The following ABHD17A variants were observed in gnomAD, a reference collection of about 807,000 sequenced individuals.
ABHD17A encodes the protein abhydrolase domain containing 17A, depalmitoylase.
ABHD17A carries 10 observed loss-of-function variants against 26.8 expected under a neutral mutation model. The ratio of observed to expected loss-of-function variants is 0.37; its 90% CI spans 0.23 to 0.63. ABHD17A has a LOEUF of 0.63. ABHD17A is among the 30% of genes least tolerant of loss of function. The pLI is 0.61. For synonymous variants in ABHD17A, 167 were observed against 210.9 expected (o/e 0.79, Z 1.80); for missense variants, 292 against 457.3 (o/e 0.64, Z 3.30).
rs548701716 is a variant in ABHD17A at position 1,879,721 on chromosome 19, G to A, written c.527+200C>T. The A allele has an allele frequency of 0.046, 27,236 of 594,430 alleles. 839 individuals carry two copies. The highest frequency in any genetic ancestry group is 0.056 in the Non-Finnish European group (18,706 of 335,436). 36.8% of individuals were successfully genotyped at this position (594,430 alleles called of 1,614,324 possible). On this transcript the variant is annotated intron_variant, in intron 3 of 4. Transcript: ENST00000292577. The surrounding 1 kb of genome is among the most constrained non-coding windows in gnomAD (Gnocchi z 7.6). Reference sequence around the variant, plus strand: ...CCACAGGCCAGGGTGTGGGAGGACCGCCTGGCCACACCTCAGCCATGTGGA... The same window carrying A: ...CCACAGGCCAGGGTGTGGGAGGACCACCTGGCCACACCTCAGCCATGTGGA...
rs1365995145 is a variant in ABHD17A, at chr19:1,879,384, G to C, written c.527+537C>G. 1.2e-5 allele frequency: 2 copies of C among 168,388 alleles called. No homozygotes were observed. Among genetic ancestry groups the C allele is most frequent in the African/African-American group, 4.8e-5 (2 of 41,516 alleles). The allele number at this position is 168,388 out of a possible 1,614,324, so 10.4% of individuals were successfully genotyped here. On this transcript the variant is annotated intron_variant, in intron 3 of 4. Coordinates refer to ENST00000292577, the MANE Select transcript of ABHD17A (RefSeq NM_001130111.2). The surrounding 1 kb of genome is among the most constrained non-coding windows in gnomAD (Gnocchi z 7.6). Reference sequence around the variant, plus strand: ...GGGCTGGGGACGTGGATGACTAGGAGGGCTGGATCTGGAATCGAGGCTGGC... The same window carrying C: ...GGGCTGGGGACGTGGATGACTAGGACGGCTGGATCTGGAATCGAGGCTGGC...
At position 1,881,142 on chromosome 19, in the gene ABHD17A, C is replaced by G. The variant is rs969500411; in HGVS notation, c.332+93G>C. On this transcript the variant is annotated intron_variant, in intron 2 of 4. Transcript: ENST00000292577. Reference sequence around the variant, plus strand: ...GCCCTTCACGGCAGGCTCGGGCCCTCGGGGGCACCACCAACCACACCAAGC... The same window carrying G: ...GCCCTTCACGGCAGGCTCGGGCCCTGGGGGGCACCACCAACCACACCAAGC... The G allele has an allele frequency of 6.4e-6, 10 of 1,566,240 alleles. No individual in the cohort carries two copies. The Admixed American group carries it at 1.6e-4, about 26-fold the overall frequency.
At chr19:1,881,834 T>C in intron 1 of ABHD17A, 30 bp from the exon 2 acceptor site, 1 of 426,776 alleles carries the variant, frequency 2.3e-6, no homozygotes, top group Non-Finnish European at 4.0e-6. Context: ...TGTGGGGTCC[T>C]TTGGGGGTGC....
At position 1,879,562 on chromosome 19, in the gene ABHD17A, C is replaced by T. The variant is rs948811634; in HGVS notation, c.527+359G>A. The T allele has an allele frequency of 5.1e-5, 17 of 336,604 alleles. No homozygotes were observed. The highest frequency in any genetic ancestry group is 7.3e-5 in the Non-Finnish European group (13 of 177,344). 20.9% of individuals were successfully genotyped at this position (336,604 alleles called of 1,614,324 possible). On this transcript the variant is annotated intron_variant, in intron 3 of 4. Transcript: ENST00000292577. This position sits in a 1 kb window ranked among gnomAD's most constrained non-coding sequence, Gnocchi z 7.6. ...ACTTGGCCCCAAGTGCTGCCTCGGC[C>T]GATGGGCTCCCAGCCACACGTGCAC...
chr19:1,878,842 A>G (rs2012444096), intron 3 of ABHD17A: 1 of 152,360 alleles, frequency 6.6e-6, no homozygotes, highest in African/African-American at 2.4e-5. Flanking sequence ...CGAACAGGAC[A>G]CATCCCCGGT....
chr19:1,877,908 T>C (rs2012416208), intron 3 of ABHD17A: 2 of 549,598 alleles, frequency 3.6e-6, no homozygotes, highest in Non-Finnish European at 6.5e-6. Context: ...TTCCCTGCGC[T>C]GCCGTTCACT....
At chr19:1,884,083 C>T (rs1383240870) in intron 1 of ABHD17A, among the ~76,000 whole-genome samples, 1 of 152,212 alleles carries the variant, frequency 6.6e-6, no homozygotes, top group Non-Finnish European at 1.5e-5. Flanking sequence ...CCAACGCTCT[C>T]AGAGTCCTCA....
At position 1,877,837 on chromosome 19, in the gene ABHD17A, C is replaced by T. The variant is rs1039066612; in HGVS notation, c.528-150G>A. 7.3e-6 allele frequency: 5 copies of T among 688,032 alleles called. No homozygotes were observed. The Admixed American group carries it at 1.2e-4, about 16-fold the overall frequency. 42.6% of individuals were successfully genotyped at this position (688,032 alleles called of 1,614,324 possible). A position where few individuals can be genotyped will look rare whatever the true frequency, so the allele number is the denominator to read the frequency against. ...GTCAGGCTCAGGCTCCACACCAGTC[C>T]CGAGGGCCACCCCCAGCCCCCAACA... On this transcript the variant is annotated intron_variant, in intron 3 of 4. Coordinates refer to ENST00000292577, the MANE Select transcript of ABHD17A (RefSeq NM_001130111.2).
chr19:1,879,912 C>T lies in ABHD17A; in HGVS notation c.527+9G>A, dbSNP rs749298472. On this transcript the variant is annotated intron_variant, in intron 3 of 4. Coordinates refer to ENST00000292577, the MANE Select transcript of ABHD17A (RefSeq NM_001130111.2). This position sits in a 1 kb window ranked among gnomAD's most constrained non-coding sequence, Gnocchi z 7.6. ...GCCCAGGCTGAGCTGCCCCCAGGGT[C>T]GCCCTCACCTGGTGCGCAGGGCCTG... The T allele has an allele frequency of 4.3e-5, 69 of 1,593,390 alleles. No individual in the cohort carries two copies. Among genetic ancestry groups the T allele is most frequent in the Middle Eastern group, 3.3e-4 (2 of 6,024 alleles).
chr19:1,881,291 C>G lies in ABHD17A; in HGVS notation c.276G>C (p.Lys92Asn). The stretch of plus-strand genomic sequence containing the variant: ...AGGAGACGCGGTTGCCGCGGGCGCT[C>G]TTGGTGGGGAAGACCTCGATGGTGT... ...ELDTIEVFPTKSARGNRVSCM... is the reference protein window; with the variant it reads ...ELDTIEVFPTNSARGNRVSCM... Residue 92 changes from lysine to asparagine, a missense_variant, in exon 2 of 5, where the codon AAG becomes AAC. Physicochemically the swap from Lys to Asn is moderately conservative, Grantham distance 94. Coordinates refer to ENST00000292577, the MANE Select transcript of ABHD17A (RefSeq NM_001130111.2). 1 of 1,611,072 alleles carries G rather than the reference C, an allele frequency of 6.2e-7. No homozygotes were observed. Among genetic ancestry groups the G allele is most frequent in the Middle Eastern group, 2.3e-4 (1 of 4,434 alleles).
In ABHD17A at chr19:1,879,582, G is replaced by A. The variant is rs542660646; in HGVS notation, c.527+339C>T. The A allele has an allele frequency of 1.5e-4, 60 of 393,360 alleles. No individual in the cohort carries two copies. Among genetic ancestry groups the A allele is most frequent in the East Asian group, 1.4e-3 (25 of 17,878 alleles). The allele number at this position is 393,360 out of a possible 1,614,324, so 24.4% of individuals were successfully genotyped here. ...TCGGCCGATGGGCTCCCAGCCACAC[G>A]TGCACAGACCCCCAGACCACCACCC... On this transcript the variant is annotated intron_variant, in intron 3 of 4. Transcript: ENST00000292577. This position sits in a 1 kb window ranked among gnomAD's most constrained non-coding sequence, Gnocchi z 7.6.
At chr19:1,884,889 C>A (rs1239971425) in intron 1 of ABHD17A, among the ~76,000 whole-genome samples, 2 of 152,146 alleles carry the variant, frequency 1.3e-5, no homozygotes, top group Non-Finnish European at 2.9e-5. Context: ...GGAGAACGGA[C>A]GCGAGCGGAG....
intron 1 of ABHD17A, chr19:1,882,427 C>G (rs1477957011): frequency 6.6e-6 from 1 of 152,256 alleles, no homozygotes; most frequent in African/African-American, 2.4e-5. Flanking sequence ...AACAATGGCT[C>G]TTCTCTGTGC....
In ABHD17A at chr19:1,877,545, C is replaced by A. The variant is rs781591887; in HGVS notation, c.670G>T (p.Asp224Tyr). 6.3e-7 allele frequency: 1 copy of A among 1,595,440 alleles called. No homozygotes were observed. Among genetic ancestry groups the A allele is most frequent in the African/African-American group, 1.3e-5 (1 of 74,894 alleles). Residue 224 changes from aspartate (D) to tyrosine (Y), a missense_variant, in exon 4 of 5, where the codon GAC becomes TAC. Physicochemically the swap from Asp to Tyr is radical, Grantham distance 160 (BLOSUM62 -3). This residue lies in a region of ABHD17A where 88 missense variants were observed against 134.3 expected (regional missense o/e 0.66). Coordinates refer to ENST00000292577, the MANE Select transcript of ABHD17A (RefSeq NM_001130111.2). ...LTSGMRVAFPDTKKTYCFDAF... is the reference protein window; with the variant it reads ...LTSGMRVAFPYTKKTYCFDAF... ...TCGAAGCAGTAGGTCTTCTTGGTGT[C>A]GGGGAAGGCGACGCGCATGCCCGAG...
In ABHD17A at chr19:1,879,701, G is replaced by A. The variant is rs2012467277; in HGVS notation, c.527+220C>T. ...GGTTCCCAGGGAACCTGGCTCCACA[G>A]GCCAGGGTGTGGGAGGACCGCCTGG... On this transcript the variant is annotated intron_variant, in intron 3 of 4. Transcript: ENST00000292577. This position sits in a 1 kb window ranked among gnomAD's most constrained non-coding sequence, Gnocchi z 7.6. 1.7e-6 allele frequency: 1 copy of A among 580,076 alleles called. No homozygotes were observed. Among genetic ancestry groups the A allele is most frequent in the Non-Finnish European group, 3.1e-6 (1 of 324,674 alleles). 35.9% of individuals were successfully genotyped at this position (580,076 alleles called of 1,614,324 possible).
rs1052886236 is a variant in ABHD17A at position 1,881,649 on chromosome 19, G to C, written c.-83C>G. On this transcript the variant is annotated 5_prime_UTR_variant, in exon 2 of 5. Coordinates refer to ENST00000292577, the MANE Select transcript of ABHD17A (RefSeq NM_001130111.2). ...CCTGGCCCGGCAGGGGAGGGGTGGGGGTGCTCCGAGTCGCGGGCAGGGGGG... is the reference window on the plus strand; with the variant it reads ...CCTGGCCCGGCAGGGGAGGGGTGGGCGTGCTCCGAGTCGCGGGCAGGGGGG... 2.8e-6 allele frequency: 4 copies of C among 1,408,748 alleles called. No homozygotes were observed. The African/African-American group carries it at 4.6e-5, about 16-fold the overall frequency. 87.3% of individuals were successfully genotyped at this position (1,408,748 alleles called of 1,614,324 possible). A position where few individuals can be genotyped will look rare whatever the true frequency, so the allele number is the denominator to read the frequency against.
rs7249096 is a variant in ABHD17A at position 1,879,688 on chromosome 19, A to T, written c.527+233T>A. On this transcript the variant is annotated intron_variant, in intron 3 of 4. Coordinates refer to ENST00000292577, the MANE Select transcript of ABHD17A (RefSeq NM_001130111.2). The surrounding 1 kb of genome is among the most constrained non-coding windows in gnomAD (Gnocchi z 7.6). ...TCCTCAGGCCAGGGGTTCCCAGGGA[A>T]CCTGGCTCCACAGGCCAGGGTGTGG... 5.4e-6 allele frequency: 3 copies of T among 558,390 alleles called. No individual in the cohort carries two copies. Among genetic ancestry groups the T allele is most frequent in the Non-Finnish European group, 9.6e-6 (3 of 311,616 alleles). 34.6% of individuals were successfully genotyped at this position (558,390 alleles called of 1,614,324 possible).
intron 3 of ABHD17A, chr19:1,878,954 G>C (rs983375208): frequency 1.2e-4 from 19 of 152,280 alleles, no homozygotes; most frequent in Non-Finnish European, 2.9e-5. Flanking sequence ...ACAGAGCTCA[G>C]AGCTGGCCAT....
Position 1,877,795 on chromosome 19 carries a change from C to T in ABHD17A, c.528-108G>A, listed in dbSNP as rs1239807010. ...CGGATGCGACCCTCCAGTCTCCCCA[C>T]TCAGCCAAGTCAGTGGGTCAGGCTC... On this transcript the variant is annotated intron_variant, in intron 3 of 4. Coordinates refer to ENST00000292577, the MANE Select transcript of ABHD17A (RefSeq NM_001130111.2). The T allele has an allele frequency of 1.0e-4, 104 of 1,014,888 alleles. No individual in the cohort carries two copies. In the East Asian group the frequency reaches 2.7e-3, roughly 26 times the overall value. 62.9% of individuals were successfully genotyped at this position (1,014,888 alleles called of 1,614,324 possible). A position where few individuals can be genotyped will look rare whatever the true frequency, so the allele number is the denominator to read the frequency against.
Sources: allele counts gnomAD v4.1 joint callset (sites outside exome capture counted in the v4.1 genomes callset), GRCh38; gene constraint gnomAD v4.1.1; regional missense constraint gnomAD v4.1.1; non-coding constraint Gnocchi (gnomAD v3.1); transcripts MANE v1.5; gene names NCBI Gene and HGNC (gene_info 2026-07-23, HGNC 2026-07-21).